Variants in SPTBN1 observed in about 807,000 individuals in gnomAD.
SPTBN1 encodes the protein spectrin beta chain, non-erythrocytic 1.
A neutral mutation model predicts 266.4 loss-of-function variants in SPTBN1; 32 were observed. The ratio of observed to expected loss-of-function variants is 0.12; its 90% CI spans 0.09 to 0.16. The LOEUF (loss-of-function observed/expected upper bound fraction) is 0.16, where lower values mean the gene tolerates loss of function less well. SPTBN1 is among the 10% of genes least tolerant of loss of function. The probability of loss-of-function intolerance (pLI) is 1.00; values close to 1 mark genes in which losing one functional copy is unlikely to be tolerated. For synonymous variants in SPTBN1, 1,336 were observed against 1,162.2 expected (o/e 1.15, Z -3.04); for missense variants, 2,296 against 3,067.1 (o/e 0.75, Z 5.94).
At chr2:54,632,439 G>C in intron 16 of SPTBN1, 127 bp from the exon 17 acceptor site, 1 of 1,023,100 alleles carries the variant, frequency 9.8e-7, no homozygotes, top group Non-Finnish European at 1.4e-6. Context: ...TTAATTTGAT[G>C]TGATTTAATT....
intron 2 of SPTBN1, among the ~76,000 whole-genome samples, chr2:54,561,670 A>G (rs1201234559): frequency 7.0e-6 from 1 of 142,428 alleles, no homozygotes; most frequent in African/African-American, 3.0e-5. Context: ...AGCGATTTAT[A>G]GTTTATAAAT....
chr2:54,541,449 T>G (rs1391509105), intron 2 of SPTBN1, among the ~76,000 whole-genome samples: 1 of 152,226 alleles, frequency 6.6e-6, no homozygotes, highest in Non-Finnish European at 1.5e-5. Context: ...AGGATGCACT[T>G]GATACTAATG....
intron 2 of SPTBN1, among the ~76,000 whole-genome samples, chr2:54,568,349 CAAAAAAAAAAAAAA>C (rs888478845): frequency 3.1e-5 from 3 of 95,692 alleles, no homozygotes; most frequent in African/African-American, 1.2e-4. Flanking sequence ...GACTCTGTCT[CAAAAAAAAAAAAAA>C]AAAAAAAAAG....
At chr2:54,484,673 G>T (rs572370244) in intron 1 of SPTBN1, among the ~76,000 whole-genome samples, 7 of 152,308 alleles carry the variant, frequency 4.6e-5, no homozygotes, top group African/African-American at 1.7e-4. Flanking sequence ...CCTTTTATAG[G>T]ATAGAATTTC....
chr2:54,495,050 G>A (rs1668892453), intron 1 of SPTBN1, among the ~76,000 whole-genome samples: 1 of 152,084 alleles, frequency 6.6e-6, no homozygotes, highest in South Asian at 2.1e-4. Flanking sequence ...AGTGCAGTGT[G>A]TGGAATGCTG....
intron 1 of SPTBN1, among the ~76,000 whole-genome samples, chr2:54,498,346 T>G (rs988575224): frequency 1.4e-4 from 22 of 152,190 alleles, no homozygotes; most frequent in African/African-American, 5.1e-4. Context: ...AAATTAAATT[T>G]AAATAGCTAC....
At chr2:54,625,609 A>T (rs1678270890) in intron 11 of SPTBN1, among the ~76,000 whole-genome samples, 2 of 151,980 alleles carry the variant, frequency 1.3e-5, no homozygotes, top group South Asian at 4.2e-4. Flanking sequence ...TTTGTTTTTG[A>T]GGCAGAGTTT....
Position 54,599,182 on chromosome 2 carries a change from C to T in SPTBN1, c.239C>T (p.Thr80Ile), listed in dbSNP as rs748201873. The part of the protein sequence containing the change: ...RVSCRITDLY[T>I]DLRDGRMLIK... ...TCCTGCCGGATCACAGACCTGTACA[C>T]TGACCTTCGAGATGGACGGATGCTC... Residue 80 changes from threonine to isoleucine, a missense_variant, in exon 3 of 36, where the codon ACT becomes ATT. Transcript: ENST00000356805. The T allele has an allele frequency of 6.2e-7, 1 of 1,614,216 alleles. No individual in the cohort carries two copies. The highest frequency in any genetic ancestry group is 8.5e-7 in the Non-Finnish European group (1 of 1,180,038).
chr2:54,566,090 C>A (rs1673636329), intron 2 of SPTBN1, among the ~76,000 whole-genome samples: 1 of 151,966 alleles, frequency 6.6e-6, no homozygotes, highest in African/African-American at 2.4e-5. Context: ...CCTTTTCTCT[C>A]TTGACAACTT....
chr2:54,618,069 TC>T lies in SPTBN1; in HGVS notation c.648-8del. On this transcript the variant is annotated splice_region_variant and splice_polypyrimidine_tract_variant and intron_variant, in intron 6 of 35. Coordinates refer to ENST00000356805, the MANE Select transcript of SPTBN1 (RefSeq NM_003128.3). Reference sequence around the variant, plus strand: ...GATTTTTGTTGTGTCCCACTGTTGTTCTGCACAGGCCTGACCTGATAGATTT... The same window carrying T: ...GATTTTTGTTGTGTCCCACTGTTGTTTGCACAGGCCTGACCTGATAGATTT... 6.2e-7 allele frequency: 1 copy of T among 1,608,686 alleles called. No individual in the cohort carries two copies. The highest frequency in any genetic ancestry group is 8.5e-7 in the Non-Finnish European group (1 of 1,176,712).
intron 3 of SPTBN1, among the ~76,000 whole-genome samples, chr2:54,611,017 C>T (rs1002653755): frequency 3.0e-4 from 46 of 152,134 alleles, no homozygotes; most frequent in African/African-American, 9.4e-4. Context: ...TCTGAAATTA[C>T]TATAGTAGTA....
chr2:54,603,568 C>A (rs1031900234), intron 3 of SPTBN1, among the ~76,000 whole-genome samples: 1 of 152,064 alleles, frequency 6.6e-6, no homozygotes, highest in African/African-American at 2.4e-5. Flanking sequence ...AGGAGTGGGT[C>A]CCAGCTGGGA....
intron 2 of SPTBN1, among the ~76,000 whole-genome samples, chr2:54,592,474 T>G (rs1308426201): frequency 6.6e-6 from 1 of 152,026 alleles, no homozygotes; most frequent in Non-Finnish European, 1.5e-5. Flanking sequence ...AACCTCTGCC[T>G]CCCGGGTTCA....
Position 54,558,407 on chromosome 2 carries a change from C to T in SPTBN1, c.148+31841C>T. 1 of 1,015,714 alleles carries T rather than the reference C, an allele frequency of 9.8e-7. No individual in the cohort carries two copies. The highest frequency in any genetic ancestry group is 1.2e-6 in the Non-Finnish European group (1 of 849,650). The allele number at this position is 1,015,714 out of a possible 1,614,324, so 62.9% of individuals were successfully genotyped here. ...CAGCTGGGAGGAGGTGTGCGCGCTG[C>T]GCCCGCGAGCTCCCGGGCTCGGCAA... On this transcript the variant is annotated intron_variant, in intron 2 of 35. Coordinates refer to ENST00000356805, the MANE Select transcript of SPTBN1 (RefSeq NM_003128.3). This position sits in a 1 kb window ranked among gnomAD's most constrained non-coding sequence, Gnocchi z 4.6.
In SPTBN1 at chr2:54,642,975, T is replaced by C; in HGVS notation, c.3859-8T>C. On this transcript the variant is annotated splice_polypyrimidine_tract_variant and splice_region_variant and intron_variant, in intron 18 of 35. Coordinates refer to ENST00000356805, the MANE Select transcript of SPTBN1 (RefSeq NM_003128.3). Reference sequence around the variant, plus strand: ...CACAATCTCTGAATCCTTCTGATCTTTCTGTAGCTGTCTCTCTGGATCAAT... The same window carrying C: ...CACAATCTCTGAATCCTTCTGATCTCTCTGTAGCTGTCTCTCTGGATCAAT... 4 of 1,611,092 alleles carry C rather than the reference T, an allele frequency of 2.5e-6. No individual in the cohort carries two copies. Among genetic ancestry groups the C allele is most frequent in the Non-Finnish European group, 3.4e-6 (4 of 1,178,468 alleles).
intron 2 of SPTBN1, among the ~76,000 whole-genome samples, chr2:54,571,330 G>A (rs1674050224): frequency 6.6e-6 from 1 of 152,084 alleles, no homozygotes; most frequent in South Asian, 2.1e-4. Context: ...TTTCTTCAGG[G>A]GGAAAGAATA....
At chr2:54,665,877 C>A (rs375290558) in intron 33 of SPTBN1, 38 bp from the exon 34 acceptor site, 3 of 1,583,820 alleles carry the variant, frequency 1.9e-6, no homozygotes, top group East Asian at 4.5e-5. Context: ...TGTGGTAGAG[C>A]CTTTATCTCC....
intron 1 of SPTBN1, among the ~76,000 whole-genome samples, chr2:54,488,731 T>C (rs1027468042): frequency 8.5e-5 from 13 of 152,176 alleles, no homozygotes; most frequent in African/African-American, 2.9e-4. Flanking sequence ...TAACTCCAGA[T>C]GGTACATTTT....
intron 1 of SPTBN1, among the ~76,000 whole-genome samples, chr2:54,501,898 C>T (rs746561920): frequency 2.6e-5 from 4 of 152,260 alleles, no homozygotes; most frequent in South Asian, 2.1e-4. Flanking sequence ...GAGAAAAGCT[C>T]GATCACGTTT....
Sources: gnomAD v4.1 joint callset for allele counts (sites outside exome capture counted in the v4.1 genomes callset) on GRCh38, gnomAD v4.1.1 for gene constraint, Gnocchi (gnomAD v3.1) non-coding constraint, MANE v1.5 for transcripts, NCBI Gene and HGNC (gene_info 2026-07-23, HGNC 2026-07-21) for gene names.